NIBAN2: variants seen among roughly 807,000 people sequenced by gnomAD.
NIBAN2 encodes the protein protein Niban 2.
In NIBAN2, 36 loss-of-function variants were observed where a neutral mutation model predicts 81.8. The observed-to-expected ratio is 0.44, with a 90% CI of 0.34 to 0.58. NIBAN2 has a LOEUF of 0.58. NIBAN2 is among the 20% of genes least tolerant of loss of function. The pLI is 0.02. For synonymous variants in NIBAN2, 445 were observed against 441.6 expected (o/e 1.01, Z -0.10); for missense variants, 897 against 1,014.1 (o/e 0.88, Z 1.57).
In NIBAN2 at chr9:127,508,888, G is replaced by T; in HGVS notation, c.1317+88C>A. 1.4e-6 allele frequency: 2 copies of T among 1,460,864 alleles called. No individual in the cohort carries two copies. The highest frequency in any genetic ancestry group is 1.9e-6 in the Non-Finnish European group (2 of 1,048,278). The allele number at this position is 1,460,864 out of a possible 1,614,324, so 90.5% of individuals were successfully genotyped here. A position where few individuals can be genotyped will look rare whatever the true frequency, so the allele number is the denominator to read the frequency against. ...AGGCAAGCGTGGCTATGGCATGACG[G>T]GACGGAGCAGAAGGGACCCCCTGGG... is the stretch of plus-strand genomic sequence containing the variant. On this transcript the variant is annotated intron_variant, in intron 10 of 13. Coordinates refer to ENST00000373312, the MANE Select transcript of NIBAN2 (RefSeq NM_022833.4). This position sits in a 1 kb window ranked among gnomAD's most constrained non-coding sequence, Gnocchi z 6.4.
chr9:127,533,370 TG>T (rs1290061670), intron 1 of NIBAN2, among the ~76,000 whole-genome samples: 1 of 152,196 alleles, frequency 6.6e-6, no homozygotes, highest in African/African-American at 2.4e-5. Flanking sequence ...GGCAGGAGAA[TG>T]GCATGAACCC....
In NIBAN2 at chr9:127,517,784, G is replaced by A; in HGVS notation, c.705+42C>T. ...CCCTGCCCTCCCCTGCTGGGTCCTT[G>A]GGTGACTTCTGAGGTTTCCTCACCA... On this transcript the variant is annotated intron_variant, in intron 6 of 13. Coordinates refer to ENST00000373312, the MANE Select transcript of NIBAN2 (RefSeq NM_022833.4). The surrounding 1 kb of genome is among the most constrained non-coding windows in gnomAD (Gnocchi z 4.0). 1 of 1,474,252 alleles carries A rather than the reference G, an allele frequency of 6.8e-7. No homozygotes were observed. The highest frequency in any genetic ancestry group is 9.4e-7 in the Non-Finnish European group (1 of 1,058,744). The allele number at this position is 1,474,252 out of a possible 1,614,324, so 91.3% of individuals were successfully genotyped here. A position where few individuals can be genotyped will look rare whatever the true frequency, so the allele number is the denominator to read the frequency against.
intron 3 of NIBAN2, among the ~76,000 whole-genome samples, chr9:127,526,398 CA>C (rs71495649): frequency 6.5e-4 from 60 of 92,590 alleles, no homozygotes; most frequent in East Asian, 3.5e-3. Flanking sequence ...GACTTCATCT[CA>C]AAAAAAAAAA....
chr9:127,523,202 T>A (rs1393649616), intron 5 of NIBAN2, among the ~76,000 whole-genome samples: 870 of 3,194 alleles, frequency 0.27, 300 homozygotes, highest in African/African-American at 0.36. Context: ...AATATATATA[T>A]ATATATATAT....
chr9:127,565,296 T>C (rs569188736), intron 1 of NIBAN2, among the ~76,000 whole-genome samples: 2 of 152,104 alleles, frequency 1.3e-5, no homozygotes, highest in Non-Finnish European at 2.9e-5. Flanking sequence ...AGACAAAATG[T>C]TCAGTGGTTG....
intron 8 of NIBAN2, among the ~76,000 whole-genome samples, chr9:127,515,530 A>AC (rs1836812205): frequency 1.4e-5 from 1 of 69,674 alleles, no homozygotes; most frequent in Non-Finnish European, 3.5e-5. Flanking sequence ...CAAAAAAAAA[A>AC]AAAAAAAAAC....
intron 1 of NIBAN2, among the ~76,000 whole-genome samples, chr9:127,565,466 A>C (rs1186087483): frequency 6.6e-6 from 1 of 151,988 alleles, no homozygotes; most frequent in African/African-American, 2.4e-5. Flanking sequence ...TAGGTGGCTG[A>C]ATTGTATGGT....
rs368493830 is a variant in NIBAN2 at position 127,517,140 on chromosome 9, G to C, written c.782C>G (p.Pro261Arg). 5 of 1,614,012 alleles carry C rather than the reference G, an allele frequency of 3.1e-6. No individual in the cohort carries two copies. Among genetic ancestry groups the C allele is most frequent in the South Asian group, 1.1e-5 (1 of 91,080 alleles). ...AELGPRLKGKPQERQRQWIQI... is the reference protein window; with the variant it reads ...AELGPRLKGKRQERQRQWIQI... ...GATCCACTGCCGCTGCCGCTCCTGC[G>C]GTTTCCCCTTCAGCCGCGGGCCGAG... is the stretch of plus-strand genomic sequence containing the variant. The change falls in exon 7 of 14, where the codon CCG becomes CGG. Residue 261 changes from proline (P) to arginine (R), a missense_variant. Pro to Arg is a moderately radical substitution (Grantham distance 103). This residue lies in a region of NIBAN2 where 619 missense variants were observed against 691.0 expected (regional missense o/e 0.90). Coordinates refer to ENST00000373312, the MANE Select transcript of NIBAN2 (RefSeq NM_022833.4). This position sits in a 1 kb window ranked among gnomAD's most constrained non-coding sequence, Gnocchi z 4.0.
chr9:127,509,560 G>T (rs1382289846), intron 9 of NIBAN2, among the ~76,000 whole-genome samples: 5 of 152,146 alleles, frequency 3.3e-5, no homozygotes, highest in Non-Finnish European at 5.9e-5. Context: ...GAGTATAAAG[G>T]AGGAAACTAA....
Position 127,508,347 on chromosome 9 carries a change from TG to T in NIBAN2, c.1434+74del. 2.1e-6 allele frequency: 3 copies of T among 1,408,388 alleles called. No individual in the cohort carries two copies. Among genetic ancestry groups the T allele is most frequent in the Non-Finnish European group, 3.0e-6 (3 of 1,003,896 alleles). The allele number at this position is 1,408,388 out of a possible 1,614,324, so 87.2% of individuals were successfully genotyped here. A position where few individuals can be genotyped will look rare whatever the true frequency, so the allele number is the denominator to read the frequency against. On this transcript the variant is annotated intron_variant, in intron 11 of 13. Coordinates refer to ENST00000373312, the MANE Select transcript of NIBAN2 (RefSeq NM_022833.4). The surrounding 1 kb of genome is among the most constrained non-coding windows in gnomAD (Gnocchi z 6.4). The stretch of plus-strand genomic sequence containing the variant: ...CGCCTCCTTGCAGGGACAGCAATCC[TG>T]GTGGTGGCCGGGGATGAGGCTCGGG...
At chr9:127,549,696 G>C (rs1299926313) in intron 1 of NIBAN2, among the ~76,000 whole-genome samples, 1 of 152,202 alleles carries the variant, frequency 6.6e-6, no homozygotes, top group African/African-American at 2.4e-5. Context: ...TCGTGTGCTT[G>C]CTGCTGGGCC....
chr9:127,508,445 G>A lies in NIBAN2; in HGVS notation c.1411C>T (p.Arg471Trp), dbSNP rs1282922087. 3.7e-6 allele frequency: 6 copies of A among 1,612,246 alleles called. No homozygotes were observed. The highest frequency in any genetic ancestry group is 2.2e-5 in the South Asian group (2 of 91,026). Residue 471 changes from arginine to tryptophan, a missense_variant, in exon 11 of 14, where the codon CGG (arginine) becomes TGG (tryptophan). This residue lies in a region of NIBAN2 where 619 missense variants were observed against 691.0 expected (regional missense o/e 0.90). Transcript: ENST00000373312. The surrounding 1 kb of genome is among the most constrained non-coding windows in gnomAD (Gnocchi z 6.4). Reference sequence around the variant, plus strand: ...ACCTTCAGCACCCGCTCCAGGACCCGCTGGATGGACTTGCACAGCTCCTCC... The same window carrying A: ...ACCTTCAGCACCCGCTCCAGGACCCACTGGATGGACTTGCACAGCTCCTCC... ...TKEELCKSIQ[R>W]VLERVLKKYD...
chr9:127,508,944 G>T lies in NIBAN2; in HGVS notation c.1317+32C>A. On this transcript the variant is annotated intron_variant, in intron 10 of 13. Coordinates refer to ENST00000373312, the MANE Select transcript of NIBAN2 (RefSeq NM_022833.4). This position sits in a 1 kb window ranked among gnomAD's most constrained non-coding sequence, Gnocchi z 6.4. ...GGGCCTGTGGAAGGCAGTGGACAGG[G>T]TGTGGGGTGGGGGTCGTAGCCTCGG... 6.2e-7 allele frequency: 1 copy of T among 1,612,532 alleles called. No individual in the cohort carries two copies. The highest frequency in any genetic ancestry group is 1.1e-5 in the South Asian group (1 of 91,022).
At chr9:127,525,293 A>C in intron 3 of NIBAN2, 130 bp from the exon 4 acceptor site, 1 of 622,934 alleles carries the variant, frequency 1.6e-6, no homozygotes, top group East Asian at 2.7e-5. Context: ...GAGGCAAGAG[A>C]GGAACAGAGG....
intron 1 of NIBAN2, among the ~76,000 whole-genome samples, chr9:127,553,454 CTGAG>C (rs1327006168): frequency 6.6e-5 from 10 of 152,234 alleles, no homozygotes; most frequent in South Asian, 2.1e-4. Context: ...GAAACTCTTC[CTGAG>C]TATTTGCTGT....
intron 2 of NIBAN2, among the ~76,000 whole-genome samples, chr9:127,530,005 G>C (rs537342018): frequency 1.3e-5 from 2 of 152,158 alleles, no homozygotes; most frequent in African/African-American, 4.8e-5. Context: ...AATGCTTCAC[G>C]CCCTCAGCCA....
chr9:127,540,161 C>T (rs945422867), intron 1 of NIBAN2, among the ~76,000 whole-genome samples: 2 of 152,170 alleles, frequency 1.3e-5, no homozygotes, highest in Admixed American at 6.5e-5. Flanking sequence ...GCGGCCGGAA[C>T]GTTAATTAAT....
At chr9:127,524,002 G>A (rs1180529269) in intron 4 of NIBAN2, among the ~76,000 whole-genome samples, 156 bp from the exon 5 acceptor site, 4 of 152,208 alleles carry the variant, frequency 2.6e-5, no homozygotes, top group Admixed American at 6.5e-5. Flanking sequence ...GCGGGGGTGG[G>A]AGCAGCCTTC....
chr9:127,540,887 CGGTTTCAG>C (rs1036115210), intron 1 of NIBAN2, among the ~76,000 whole-genome samples: 2 of 152,214 alleles, frequency 1.3e-5, no homozygotes, highest in African/African-American at 2.4e-5. Flanking sequence ...AGGCCCAGCC[CGGTTTCAG>C]GGTTTCAGGG....
Sources: gnomAD v4.1 joint callset for allele counts (sites outside exome capture counted in the v4.1 genomes callset) on GRCh38, gnomAD v4.1.1 for gene constraint, gnomAD v4.1.1 regional missense constraint, Gnocchi (gnomAD v3.1) non-coding constraint, MANE v1.5 for transcripts, NCBI Gene and HGNC (gene_info 2026-07-23, HGNC 2026-07-21) for gene names.